The following ZNF750 variants were observed in gnomAD, a reference collection of about 807,000 sequenced individuals.
The protein encoded by ZNF750 is zinc finger protein 750.
In ZNF750, 10 loss-of-function variants were observed where a neutral mutation model predicts 31.6. The ratio of observed to expected loss-of-function variants is 0.32; its 90% CI spans 0.19 to 0.54. The LOEUF is 0.54. Among genes scored for constraint, ZNF750 ranks in the 20% least tolerant of loss-of-function variants. The probability of loss-of-function intolerance (pLI) is 0.95; values close to 1 mark genes in which losing one functional copy is unlikely to be tolerated. For synonymous variants in ZNF750, 400 were observed against 404.9 expected (o/e 0.99, Z 0.15); for missense variants, 914 against 934.9 (o/e 0.98, Z 0.29).
Position 82,832,992 on chromosome 17 carries a change from G to A in ZNF750, c.-182-356C>T, listed in dbSNP as rs1260098242. ...GTGACCTGGACCTTTCCTCGAAAGC[G>A]CCCTGCCGGGGGCTGAGGACACCGA... On this transcript the variant is annotated intron_variant, in intron 1 of 2. Transcript: ENST00000269394. The surrounding 1 kb of genome is among the most constrained non-coding windows in gnomAD (Gnocchi z 4.9). 5.3e-5 allele frequency among the ~76,000 whole-genome samples: 8 copies of A among 152,152 alleles called. No individual in the cohort carries two copies. Among genetic ancestry groups the A allele is most frequent in the East Asian group, 3.9e-4 (2 of 5,188 alleles).
At position 82,832,457 on chromosome 17, in the gene ZNF750, T is replaced by C. The variant is rs2053600726; in HGVS notation, c.-3A>G. The C allele has an allele frequency of 1.3e-5, 21 of 1,608,702 alleles. No individual in the cohort carries two copies. The highest frequency in any genetic ancestry group is 1.8e-5 in the Non-Finnish European group (21 of 1,179,846). ...TTCCGCTCTTTGAGGAGACTCATTT[T>C]CCTCCTTATGCCTTGGACTCTGGCT... is the stretch of plus-strand genomic sequence containing the variant. On this transcript the variant is annotated 5_prime_UTR_variant, in exon 2 of 3. Coordinates refer to ENST00000269394, the MANE Select transcript of ZNF750 (RefSeq NM_024702.3). This position sits in a 1 kb window ranked among gnomAD's most constrained non-coding sequence, Gnocchi z 4.9.
intron 1 of ZNF750, chr17:82,838,866 C>T: frequency 1.0e-6 from 1 of 985,426 alleles, no homozygotes; most frequent in South Asian, 4.7e-5. Flanking sequence ...TTTACAGTCG[C>T]CGCCTCATCC....
Position 82,830,760 on chromosome 17 carries a change from C to T in ZNF750, c.1554G>A (p.Lys518=), listed in dbSNP as rs777702852. 2.5e-6 allele frequency: 4 copies of T among 1,613,852 alleles called. No homozygotes were observed. The highest frequency in any genetic ancestry group is 1.1e-5 in the South Asian group (1 of 91,066). The change falls in exon 3 of 3, where the codon AAG becomes AAA. Residue 518 remains lysine, a synonymous_variant. Transcript: ENST00000269394. ...SSGMGPLNLS[K]KSEINLAATH... Reference sequence around the variant, plus strand: ...TGGCTGCCAGGTTTATCTCTGATTTCTTGGAGAGGTTGAGGGGGCCCATCC... The same window carrying T: ...TGGCTGCCAGGTTTATCTCTGATTTTTTGGAGAGGTTGAGGGGGCCCATCC...
intron 2 of ZNF750, 35 bp from the exon 3 acceptor site, chr17:82,830,912 T>G: frequency 6.2e-7 from 1 of 1,612,994 alleles, no homozygotes; most frequent in Non-Finnish European, 8.5e-7. Flanking sequence ...AGTAGGAGCT[T>G]GCTTAGAAAA....
At position 82,830,813 on chromosome 17, in the gene ZNF750, C is replaced by G. The variant is rs1472455890; in HGVS notation, c.1501G>C (p.Ala501Pro). ...GAGCTGTCGTCCGGACTGGAAGGCG[C>G]GGCCTCCGAGACGAGAGAGGCGCTT... ...TGSASLVSEA[A>P]PSSPDDSSGM... The change falls in exon 3 of 3, where the codon GCG (alanine) becomes CCG (proline). Residue 501 changes from alanine to proline, a missense_variant. Transcript: ENST00000269394. 1 of 1,613,386 alleles carries G rather than the reference C, an allele frequency of 6.2e-7. No homozygotes were observed. The highest frequency in any genetic ancestry group is 1.3e-5 in the African/African-American group (1 of 75,030).
In ZNF750 at chr17:82,830,353, C is replaced by A. The variant is rs891645766; in HGVS notation, c.1961G>T (p.Gly654Val). The change falls in exon 3 of 3, where the codon GGG becomes GTG. Residue 654 changes from glycine to valine, a missense_variant. This residue lies in a region of ZNF750 where 880 missense variants were observed against 868.9 expected (regional missense o/e 1.01). Coordinates refer to ENST00000269394, the MANE Select transcript of ZNF750 (RefSeq NM_024702.3). The part of the protein sequence containing the change: ...YSPRNIRVGD[G>V]DAAAPEPACR... ...GGCAGGTTCCGGGGCCGCAGCATCCCCATCGCCCACCCGGATGTTCCTGGG... is the reference window on the plus strand; with the variant it reads ...GGCAGGTTCCGGGGCCGCAGCATCCACATCGCCCACCCGGATGTTCCTGGG... 1 of 1,613,612 alleles carries A rather than the reference C, an allele frequency of 6.2e-7. No homozygotes were observed. The highest frequency in any genetic ancestry group is 1.6e-4 in the Middle Eastern group (1 of 6,062).
Position 82,829,994 on chromosome 17 carries a change from T to A in ZNF750, c.*148A>T. Reference sequence around the variant, plus strand: ...ATTTATAAAAACTGAATTGGAGGGTTTTTTGTTTGTTTGTTTGTTTGTTTT... The same window carrying A: ...ATTTATAAAAACTGAATTGGAGGGTATTTTGTTTGTTTGTTTGTTTGTTTT... On this transcript the variant is annotated 3_prime_UTR_variant, in exon 3 of 3. Coordinates refer to ENST00000269394, the MANE Select transcript of ZNF750 (RefSeq NM_024702.3). 9.3e-7 allele frequency: 1 copy of A among 1,069,804 alleles called. No homozygotes were observed. The highest frequency in any genetic ancestry group is 3.3e-4 in the Middle Eastern group (1 of 3,064). The allele number at this position is 1,069,804 out of a possible 1,614,324, so 66.3% of individuals were successfully genotyped here.
chr17:82,831,509 G>T lies in ZNF750; in HGVS notation c.946C>A (p.Pro316Thr). 1.2e-6 allele frequency: 2 copies of T among 1,614,194 alleles called. No homozygotes were observed. The highest frequency in any genetic ancestry group is 1.3e-5 in the African/African-American group (1 of 75,052). ...GGCCTGTAAAATCCGTAAGGAATCG[G>T]CAGGTTAGAGGGATATTGCTGGAAA... is the stretch of plus-strand genomic sequence containing the variant. ...RFFQQYPSNL[P>T]IPYGFYRPES... Residue 316 changes from proline (P) to threonine (T), a missense_variant, in exon 2 of 3, where the codon CCG becomes ACG. By Grantham distance (38) the Pro-to-Thr change is conservative (BLOSUM62 -1). Coordinates refer to ENST00000269394, the MANE Select transcript of ZNF750 (RefSeq NM_024702.3). The surrounding 1 kb of genome is among the most constrained non-coding windows in gnomAD (Gnocchi z 4.6).
At chr17:82,834,455 G>C (rs914042117) in intron 1 of ZNF750, among the ~76,000 whole-genome samples, 2 of 152,174 alleles carry the variant, frequency 1.3e-5, no homozygotes, top group Non-Finnish European at 2.9e-5. Flanking sequence ...TAAAAATAAA[G>C]TTAAATGACC....
At position 82,832,591 on chromosome 17, in the gene ZNF750, C is replaced by T. The variant is rs1302804209; in HGVS notation, c.-137G>A. 14 of 785,438 alleles carry T rather than the reference C, an allele frequency of 1.8e-5. No individual in the cohort carries two copies. The highest frequency in any genetic ancestry group is 5.3e-5 in the East Asian group (2 of 37,902). 48.7% of individuals were successfully genotyped at this position (785,438 alleles called of 1,614,324 possible). A position where few individuals can be genotyped will look rare whatever the true frequency, so the allele number is the denominator to read the frequency against. The stretch of plus-strand genomic sequence containing the variant: ...TCACTTCTATCAGAAGCCAGCTCTG[C>T]GTGCTGAGGGTCTGGCGAGAGCCTC... On this transcript the variant is annotated 5_prime_UTR_variant, in exon 2 of 3. Coordinates refer to ENST00000269394, the MANE Select transcript of ZNF750 (RefSeq NM_024702.3). This position sits in a 1 kb window ranked among gnomAD's most constrained non-coding sequence, Gnocchi z 4.9.
chr17:82,836,996 G>C (rs572668470), intron 1 of ZNF750, among the ~76,000 whole-genome samples: 1 of 152,274 alleles, frequency 6.6e-6, no homozygotes, highest in East Asian at 1.9e-4. Flanking sequence ...ATGGAGTCTC[G>C]GGCAGTGGTT....
Position 82,835,104 on chromosome 17 carries a change from T to G in ZNF750, c.-182-2468A>C, listed in dbSNP as rs528591873. Among the ~76,000 whole-genome samples, 1 of 152,232 alleles carries G rather than the reference T, an allele frequency of 6.6e-6. No homozygotes were observed. The highest frequency in any genetic ancestry group is 1.9e-4 in the East Asian group (1 of 5,174). The stretch of plus-strand genomic sequence containing the variant: ...ATGGAAATGACTTAAGAAAACTGTT[T>G]CAACTGCAGTATTTTTTTTAAGGAA... On this transcript the variant is annotated intron_variant, in intron 1 of 2. Coordinates refer to ENST00000269394, the MANE Select transcript of ZNF750 (RefSeq NM_024702.3). The surrounding 1 kb of genome is among the most constrained non-coding windows in gnomAD (Gnocchi z 4.5).
rs1422896489 is a variant in ZNF750 at position 82,835,589 on chromosome 17, A to C, written c.-182-2953T>G. The stretch of plus-strand genomic sequence containing the variant: ...AGGTGCCTACCACCACGCCCAGCTA[A>C]TTTTTTTGTAATTTTAGTAGAGATG... On this transcript the variant is annotated intron_variant, in intron 1 of 2. Coordinates refer to ENST00000269394, the MANE Select transcript of ZNF750 (RefSeq NM_024702.3). The surrounding 1 kb of genome is among the most constrained non-coding windows in gnomAD (Gnocchi z 4.5). Among the ~76,000 whole-genome samples the C allele has an allele frequency of 6.6e-6, 1 of 151,534 alleles. No homozygotes were observed. The highest frequency in any genetic ancestry group is 6.6e-5 in the Admixed American group (1 of 15,192).
chr17:82,832,461 C>G lies in ZNF750; in HGVS notation c.-7G>C, dbSNP rs374220408. On this transcript the variant is annotated 5_prime_UTR_variant, in exon 2 of 3. Coordinates refer to ENST00000269394, the MANE Select transcript of ZNF750 (RefSeq NM_024702.3). The surrounding 1 kb of genome is among the most constrained non-coding windows in gnomAD (Gnocchi z 4.9). Reference sequence around the variant, plus strand: ...GCTCTTTGAGGAGACTCATTTTCCTCCTTATGCCTTGGACTCTGGCTGTCC... The same window carrying G: ...GCTCTTTGAGGAGACTCATTTTCCTGCTTATGCCTTGGACTCTGGCTGTCC... 53 of 1,607,280 alleles carry G rather than the reference C, an allele frequency of 3.3e-5. 2 individuals carry two copies. Among genetic ancestry groups the G allele is most frequent in the South Asian group, 3.1e-4 (28 of 91,072 alleles).
In ZNF750 at chr17:82,830,183, C is replaced by T; in HGVS notation, c.2131G>A (p.Ala711Thr). The T allele has an allele frequency of 6.2e-7, 1 of 1,614,226 alleles. No individual in the cohort carries two copies. The highest frequency in any genetic ancestry group is 8.5e-7 in the Non-Finnish European group (1 of 1,180,044). The change falls in exon 3 of 3, where the codon GCC becomes ACC. Residue 711 changes from alanine to threonine, a missense_variant. By Grantham distance (58) the Ala-to-Thr change is moderately conservative (BLOSUM62 0). This residue lies in a region of ZNF750 where 880 missense variants were observed against 868.9 expected (regional missense o/e 1.01). Coordinates refer to ENST00000269394, the MANE Select transcript of ZNF750 (RefSeq NM_024702.3). ...GAKKAKLQDT[A>T]RVFTLRRRAR... is the part of the protein sequence containing the mutation. Reference sequence around the variant, plus strand: ...CTCCTTCGTAGTGTGAACACTCTGGCCGTGTCCTGCAGCTTCGCCTTCTTA... The same window carrying T: ...CTCCTTCGTAGTGTGAACACTCTGGTCGTGTCCTGCAGCTTCGCCTTCTTA...
chr17:82,831,801 A>G lies in ZNF750; in HGVS notation c.654T>C (p.Phe218=), dbSNP rs1182698367. ...CCTTTGTAGATGAGATTTTATGTGG[A>G]AACTCTGGTGGAAGGAAAGGTGAGC... ...KAGSPFLPPE[F]PHKISSTKGL... The change falls in exon 2 of 3, where the codon TTT becomes TTC. Residue 218 remains phenylalanine (F), a synonymous_variant. Coordinates refer to ENST00000269394, the MANE Select transcript of ZNF750 (RefSeq NM_024702.3). This position sits in a 1 kb window ranked among gnomAD's most constrained non-coding sequence, Gnocchi z 4.6. 6.2e-7 allele frequency: 1 copy of G among 1,614,084 alleles called. No homozygotes were observed. The highest frequency in any genetic ancestry group is 2.2e-5 in the East Asian group (1 of 44,880).
At chr17:82,830,942 T>C in intron 2 of ZNF750, 65 bp from the exon 3 acceptor site, 1 of 1,613,224 alleles carries the variant, frequency 6.2e-7, no homozygotes, top group Non-Finnish European at 8.5e-7. Context: ...TGAAGCAGTG[T>C]GAGCAAGTAT....
chr17:82,839,008 A>G (rs565099486), intron 1 of ZNF750: 1 of 981,722 alleles, frequency 1.0e-6, no homozygotes, highest in East Asian at 1.1e-4. Context: ...ATTTCATATA[A>G]GGAAAAAAAC....
chr17:82,830,015 G>GT lies in ZNF750; in HGVS notation c.*126dup. ...GGGTTTTTTGTTTGTTTGTTTGTTT[G>GT]TTTTTTTGAGAAGCAGCAGCTGCAT... On this transcript the variant is annotated 3_prime_UTR_variant, in exon 3 of 3. Transcript: ENST00000269394. The GT allele has an allele frequency of 2.4e-6, 3 of 1,263,430 alleles. No homozygotes were observed. The highest frequency in any genetic ancestry group is 1.5e-5 in the African/African-American group (1 of 68,062). The allele number at this position is 1,263,430 out of a possible 1,614,324, so 78.3% of individuals were successfully genotyped here. A position where few individuals can be genotyped will look rare whatever the true frequency, so the allele number is the denominator to read the frequency against.
Sources: gnomAD v4.1 joint callset for allele counts (sites outside exome capture counted in the v4.1 genomes callset) on GRCh38, gnomAD v4.1.1 for gene constraint, gnomAD v4.1.1 regional missense constraint, Gnocchi (gnomAD v3.1) non-coding constraint, MANE v1.5 for transcripts, NCBI Gene and HGNC (gene_info 2026-07-23, HGNC 2026-07-21) for gene names.